The following SEMA3A variants were observed in gnomAD, a reference collection of about 807,000 sequenced individuals.
SEMA3A encodes semaphorin 3A, also known as semaphorin-3A.
A neutral mutation model predicts 97.9 loss-of-function variants in SEMA3A; 29 were observed. The observed-to-expected ratio is 0.30, with a 90% confidence interval of 0.22 to 0.40. The LOEUF is 0.40. Among genes scored for constraint, SEMA3A ranks in the 10% least tolerant of loss-of-function variants. The pLI is 1.00. For synonymous variants in SEMA3A, 321 were observed against 323.7 expected, an observed-to-expected ratio of 0.99 and a Z score of 0.09; for missense variants, 763 against 951.3, an observed-to-expected ratio of 0.80 and a Z score of 2.60.
intron 4 of SEMA3A, among the ~76,000 whole-genome samples, chr7:84,104,263 G>A (rs898859773): frequency 6.6e-6 from 1 of 152,044 alleles, no homozygotes; most frequent in Non-Finnish European, 1.5e-5. Flanking sequence ...GATTGGGAAT[G>A]GCATTATTGT....
chr7:84,246,285 A>C (rs1468213754), intron 3 of SEMA3A, among the ~76,000 whole-genome samples: 4 of 152,208 alleles, frequency 2.6e-5, no homozygotes, highest in African/African-American at 9.7e-5. Flanking sequence ...GTTTGTAGTA[A>C]TTTGTTACAG....
intron 1 of SEMA3A, among the ~76,000 whole-genome samples, chr7:84,185,873 T>C (rs1434291847): frequency 6.6e-6 from 1 of 152,088 alleles, no homozygotes; most frequent in Non-Finnish European, 1.5e-5. Flanking sequence ...TAACCCTGCT[T>C]CTGTATTTTG....
intron 1 of SEMA3A, among the ~76,000 whole-genome samples, chr7:84,171,769 G>A (rs1416563031): frequency 6.6e-6 from 1 of 151,670 alleles, no homozygotes; most frequent in African/African-American, 2.4e-5. Flanking sequence ...ATATATTAAG[G>A]GAGGACCAAA....
chr7:84,375,239 C>T (rs986870124), intron 1 of SEMA3A, among the ~76,000 whole-genome samples: 6 of 152,060 alleles, frequency 3.9e-5, no homozygotes, highest in African/African-American at 1.2e-4. Context: ...AGGCTGATCT[C>T]GAACTTCTGA....
intron 2 of SEMA3A, among the ~76,000 whole-genome samples, chr7:84,130,116 C>A (rs1420746165): frequency 6.6e-6 from 1 of 151,772 alleles, no homozygotes; most frequent in Non-Finnish European, 1.5e-5. Context: ...TTTTTCCTTT[C>A]TAGTAATATT....
At chr7:84,460,061 T>G (rs1432320187) in intron 1 of SEMA3A, among the ~76,000 whole-genome samples, 1 of 152,048 alleles carries the variant, frequency 6.6e-6, no homozygotes, top group Non-Finnish European at 1.5e-5. Flanking sequence ...AAAACCTAAT[T>G]CTTATTACAT....
At chr7:84,069,731 T>TTAC (rs1562756045) in intron 4 of SEMA3A, among the ~76,000 whole-genome samples, 2 of 152,084 alleles carry the variant, frequency 1.3e-5, no homozygotes, top group African/African-American at 2.4e-5. Flanking sequence ...AGTTACAACA[T>TTAC]TACATAGAAT....
chr7:84,063,112 C>T (rs1268381630), intron 4 of SEMA3A, among the ~76,000 whole-genome samples: 5 of 152,156 alleles, frequency 3.3e-5, no homozygotes, highest in Admixed American at 1.3e-4. Flanking sequence ...TCCCTGACCC[C>T]TGACCCCTAA....
chr7:83,963,852 A>G (rs1322270869), intron 15 of SEMA3A, among the ~76,000 whole-genome samples: 2 of 152,176 alleles, frequency 1.3e-5, no homozygotes, highest in Non-Finnish European at 2.9e-5. Flanking sequence ...TTTATCTAGC[A>G]TTTTACAGAA....
At position 84,051,009 on chromosome 7, in the gene SEMA3A, C is replaced by T. The variant is rs1212519095; in HGVS notation, c.548-4566G>A. ...TGTTTTTCTCAGGTTTGTCAAAGAT[C>T]AGATAGTTGTAGATATGTGGCATTA... On this transcript the variant is annotated intron_variant, in intron 5 of 16. Coordinates refer to ENST00000265362, the MANE Select transcript of SEMA3A (RefSeq NM_006080.3). Among the ~76,000 whole-genome samples, 6 of 151,888 alleles carry T rather than the reference C, an allele frequency of 4.0e-5. No homozygotes were observed. In the East Asian group the frequency reaches 5.8e-4, roughly 15 times the overall value.
rs372455942 is a variant in SEMA3A at position 84,335,424 on chromosome 7, A to G, written c.-168-28132T>C. ...AATATAGGTTATAGTTGTGGAAGATAATAATTTATTAGTCCAACTAAGAAA... is the reference window on the plus strand; with the variant it reads ...AATATAGGTTATAGTTGTGGAAGATGATAATTTATTAGTCCAACTAAGAAA... On this transcript the variant is annotated intron_variant, in intron 2 of 3. Transcript: ENST00000424555. 6.6e-5 allele frequency among the ~76,000 whole-genome samples: 10 copies of G among 152,274 alleles called. 2 individuals carry two copies. The highest frequency in any genetic ancestry group is 6.5e-5 in the Admixed American group (1 of 15,286).
chr7:83,990,437 T>C (rs1434635266), intron 12 of SEMA3A, among the ~76,000 whole-genome samples: 1 of 143,536 alleles, frequency 7.0e-6, no homozygotes, highest in Non-Finnish European at 1.5e-5. Flanking sequence ...TCTTCTAGGG[T>C]TTTTATGGTT....
At chr7:84,484,801 TA>T (rs1806533109) in intron 1 of SEMA3A, among the ~76,000 whole-genome samples, 1 of 152,170 alleles carries the variant, frequency 6.6e-6, no homozygotes, top group Non-Finnish European at 1.5e-5. Context: ...ATGACTCATA[TA>T]AATAAAGTAT....
At chr7:83,979,036 G>C (rs966975185) in intron 14 of SEMA3A, among the ~76,000 whole-genome samples, 39 of 151,732 alleles carry the variant, frequency 2.6e-4, no homozygotes, top group African/African-American at 8.5e-4. Flanking sequence ...ATTAAGAAGA[G>C]CTTAAAATTC....
intron 4 of SEMA3A, among the ~76,000 whole-genome samples, chr7:84,104,614 T>G (rs1180633102): frequency 6.6e-6 from 1 of 152,168 alleles, no homozygotes; most frequent in Admixed American, 6.5e-5. Flanking sequence ...CATTTGGATT[T>G]TGGTATCTAT....
intron 6 of SEMA3A, among the ~76,000 whole-genome samples, chr7:84,030,285 T>C (rs929016011): frequency 2.6e-5 from 4 of 152,136 alleles, no homozygotes; most frequent in Non-Finnish European, 4.4e-5. Flanking sequence ...GGAAAATTGG[T>C]AGTGATTCAA....
At chr7:84,478,124 C>T (rs1283138760) in intron 1 of SEMA3A, among the ~76,000 whole-genome samples, 4 of 152,110 alleles carry the variant, frequency 2.6e-5, no homozygotes, top group Admixed American at 6.5e-5. Context: ...AGAGACCCTC[C>T]CCTGCCCTCA....
At chr7:84,358,296 C>A (rs1802622282) in intron 2 of SEMA3A, among the ~76,000 whole-genome samples, 1 of 152,122 alleles carries the variant, frequency 6.6e-6, no homozygotes, top group African/African-American at 2.4e-5. Context: ...TTTAATCCAT[C>A]TTGAATTAAT....
At chr7:84,104,879 TA>T (rs1309231170) in intron 4 of SEMA3A, among the ~76,000 whole-genome samples, 1 of 152,198 alleles carries the variant, frequency 6.6e-6, no homozygotes, top group Non-Finnish European at 1.5e-5. Flanking sequence ...GATGGTACTT[TA>T]TTAAGCATAG....
Sources: allele counts gnomAD v4.1 joint callset (sites outside exome capture counted in the v4.1 genomes callset), GRCh38; gene constraint gnomAD v4.1.1; transcripts MANE v1.5; gene names NCBI Gene and HGNC (gene_info 2026-07-23, HGNC 2026-07-21).